EPS15L1: variants seen among roughly 807,000 people sequenced by gnomAD.
EPS15L1 encodes epidermal growth factor receptor pathway substrate 15 like 1.
EPS15L1 carries 43 observed loss-of-function variants against 117.1 expected under a neutral mutation model. That is an observed-to-expected ratio of 0.37 (90% CI 0.29 to 0.47). EPS15L1 has a LOEUF of 0.47. EPS15L1 is among the 20% of genes least tolerant of loss of function. The pLI, the probability that EPS15L1 is intolerant of heterozygous loss-of-function variation, is 0.99. For missense variants in EPS15L1, 981 were observed against 1,164.0 expected (o/e 0.84, Z 2.29); for synonymous variants, 459 against 470.5 (o/e 0.98, Z 0.32).
At position 16,439,074 on chromosome 19, in the gene EPS15L1, GT is replaced by G. The variant is rs755051356; in HGVS notation, c.214-1210del. On this transcript the variant is annotated intron_variant, in intron 4 of 23. Coordinates refer to ENST00000455140, the MANE Select transcript of EPS15L1 (RefSeq NM_001258374.3). ...GGATCACTTAGCTTGTTTTTTTTCT[GT>G]TTTTTTTTTTTTTTATTAACTGGCC... is the stretch of plus-strand genomic sequence containing the variant. 1.6e-3 allele frequency among the ~76,000 whole-genome samples: 186 copies of G among 115,248 alleles called. 1 individual carries two copies. Among genetic ancestry groups the G allele is most frequent in the Middle Eastern group, 0.014 (3 of 222 alleles). The allele number at this position is 115,248 out of a possible 152,430, so 75.6% of individuals were successfully genotyped here. A position where few individuals can be genotyped will look rare whatever the true frequency, so the allele number is the denominator to read the frequency against.
rs3786588 is a variant in EPS15L1 at position 16,405,932 on chromosome 19, C to T, written c.1267-1183G>A. On this transcript the variant is annotated intron_variant, in intron 13 of 23. Coordinates refer to ENST00000455140, the MANE Select transcript of EPS15L1 (RefSeq NM_001258374.3). This position sits in a 1 kb window ranked among gnomAD's most constrained non-coding sequence, Gnocchi z 4.0. The stretch of plus-strand genomic sequence containing the variant: ...TCCTCCCTCCAGCTGCCATGTGGAG[C>T]GTGGTGCAAGGGGCCATCAGGACGC... Among the ~76,000 whole-genome samples the T allele has an allele frequency of 0.13, 20,398 of 152,198 alleles. 1,436 individuals are homozygous for T. The highest frequency in any genetic ancestry group is 0.14 in the Non-Finnish European group (9,837 of 67,998).
At chr19:16,467,934 A>C (rs1387614364) in intron 1 of EPS15L1, among the ~76,000 whole-genome samples, 1 of 152,182 alleles carries the variant, frequency 6.6e-6, no homozygotes, top group East Asian at 1.9e-4. Flanking sequence ...GGGGAATAAA[A>C]GCCTCCTAGA....
At chr19:16,429,958 C>G (rs1447751665) in intron 7 of EPS15L1, among the ~76,000 whole-genome samples, 1 of 152,222 alleles carries the variant, frequency 6.6e-6, no homozygotes, top group Non-Finnish European at 1.5e-5. Flanking sequence ...CCTTGACCCA[C>G]CAGATGCCAG....
chr19:16,368,670 T>C (rs1487627020), intron 22 of EPS15L1, among the ~76,000 whole-genome samples: 3 of 151,066 alleles, frequency 2.0e-5, no homozygotes, highest in African/African-American at 7.3e-5. Context: ...CAACAGGCGA[T>C]CTCACAAAAC....
Position 16,404,486 on chromosome 19 carries a change from G to T in EPS15L1, c.1428+102C>A. On this transcript the variant is annotated intron_variant, in intron 14 of 23. Coordinates refer to ENST00000455140, the MANE Select transcript of EPS15L1 (RefSeq NM_001258374.3). This position sits in a 1 kb window ranked among gnomAD's most constrained non-coding sequence, Gnocchi z 4.2. Reference sequence around the variant, plus strand: ...TGGAGGAACTCTATTGACCCAGTAGGATGTCTAAGTGTTGTGTTCCCAGGT... The same window carrying T: ...TGGAGGAACTCTATTGACCCAGTAGTATGTCTAAGTGTTGTGTTCCCAGGT... 2.3e-6 allele frequency: 3 copies of T among 1,314,956 alleles called. No individual in the cohort carries two copies. Among genetic ancestry groups the T allele is most frequent in the Admixed American group, 4.0e-5 (2 of 50,388 alleles). 81.5% of individuals were successfully genotyped at this position (1,314,956 alleles called of 1,614,324 possible). A position where few individuals can be genotyped will look rare whatever the true frequency, so the allele number is the denominator to read the frequency against.
At chr19:16,401,962 TG>T in intron 16 of EPS15L1, 1 of 1,043,564 alleles carries the variant, frequency 9.6e-7, no homozygotes, top group Non-Finnish European at 1.2e-6. Context: ...TAGTAGAATG[TG>T]GGGTTTCCAC....
chr19:16,355,735 C>G lies in EPS15L1; in HGVS notation c.2703G>C (p.Ala901=), dbSNP rs1257121389. The change falls in exon 24 of 24, where the codon GCG becomes GCC. Residue 901 remains alanine (A), a synonymous_variant. Coordinates refer to ENST00000455140, the MANE Select transcript of EPS15L1 (RefSeq NM_001258374.3). ...QEQEDLELAI[A]LSKADMPAA The stretch of plus-strand genomic sequence containing the variant: ...CGGCAGGCATGTCAGCCTTGCTGAG[C>G]GCGATGGCCAGTTCCAGGTCCTCCT... 1 of 1,535,840 alleles carries G rather than the reference C, an allele frequency of 6.5e-7. No individual in the cohort carries two copies. The highest frequency in any genetic ancestry group is 8.7e-7 in the Non-Finnish European group (1 of 1,146,780).
In EPS15L1 at chr19:16,444,873, C is replaced by T. The variant is rs555269289; in HGVS notation, c.34-2654G>A. 9.2e-5 allele frequency among the ~76,000 whole-genome samples: 14 copies of T among 152,156 alleles called. No homozygotes were observed. In the East Asian group the frequency reaches 9.7e-4, roughly 11 times the overall value. The stretch of plus-strand genomic sequence containing the variant: ...TCCCGAGTAGCTGGGACTACAGGTG[C>T]GTGCCACCATGCCCACTTAATTTCT... On this transcript the variant is annotated intron_variant, in intron 1 of 23. Transcript: ENST00000455140.
chr19:16,385,158 C>T lies in EPS15L1; in HGVS notation c.2218G>A (p.Gly740Ser). Residue 740 changes from glycine to serine, a missense_variant, in exon 21 of 24, where the codon GGC becomes AGC. By Grantham distance (56) the Gly-to-Ser change is moderately conservative (BLOSUM62 0). Coordinates refer to ENST00000455140, the MANE Select transcript of EPS15L1 (RefSeq NM_001258374.3). ...GACATCTGGCTGAAGTCGGCAAAGC[C>T]TTCAGCACTATTGAAGGACCCACTT... Reference protein sequence around the residue: ...FGSGSFNSAEGFADFSQMSKP... With the variant: ...FGSGSFNSAESFADFSQMSKP... 1 of 1,614,182 alleles carries T rather than the reference C, an allele frequency of 6.2e-7. No individual in the cohort carries two copies. The highest frequency in any genetic ancestry group is 1.1e-5 in the South Asian group (1 of 91,088).
chr19:16,417,474 C>G, intron 12 of EPS15L1, 78 bp downstream of exon 12: 1 of 1,242,218 alleles, frequency 8.1e-7, no homozygotes, highest in Non-Finnish European at 1.2e-6. Flanking sequence ...TCCAGGTGAG[C>G]CTCTGATATT....
chr19:16,429,296 C>A (rs1421307921), intron 7 of EPS15L1, among the ~76,000 whole-genome samples: 2 of 152,146 alleles, frequency 1.3e-5, no homozygotes. Context: ...GGTTCTGGAG[C>A]GTGCCTAAGA....
chr19:16,402,407 C>T lies in EPS15L1; in HGVS notation c.1705G>A (p.Asp569Asn), dbSNP rs557402959. The T allele has an allele frequency of 3.7e-6, 6 of 1,614,072 alleles. No homozygotes were observed. Among genetic ancestry groups the T allele is most frequent in the Admixed American group, 3.3e-5 (2 of 60,016 alleles). Residue 569 changes from aspartate (D) to asparagine (N), a missense_variant, in exon 16 of 24, where the codon GAT becomes AAT. By Grantham distance (23) the Asp-to-Asn change is conservative (BLOSUM62 1). Around this residue, in one of 5 missense-constraint regions of EPS15L1, gnomAD observed 819 missense variants for 949.0 expected, o/e 0.86. Coordinates refer to ENST00000455140, the MANE Select transcript of EPS15L1 (RefSeq NM_001258374.3). ...RSLEQYDQVL[D>N]GAHGASLTDL... ...GTCAGGCTGGCACCATGGGCTCCAT[C>T]GAGCACCTGGTCATACTGCTCCAGG... is the stretch of plus-strand genomic sequence containing the variant.
Position 16,377,161 on chromosome 19 carries a change from G to C in EPS15L1, c.2341C>G (p.Pro781Ala), listed in dbSNP as rs1317215800. ...KSKQDTPALP[P>A]KKPAPPRPKP... ...GGCCGTGGAGGAGCAGGTTTCTTCGGAGGCAGAGCAGGAGTGTCCTGTTTA... is the reference window on the plus strand; with the variant it reads ...GGCCGTGGAGGAGCAGGTTTCTTCGCAGGCAGAGCAGGAGTGTCCTGTTTA... Residue 781 changes from proline (P) to alanine (A), a missense_variant, in exon 22 of 24, where the codon CCG becomes GCG. Pro to Ala is a conservative substitution (Grantham distance 27). Around this residue, in one of 5 missense-constraint regions of EPS15L1, gnomAD observed 819 missense variants for 949.0 expected, o/e 0.86. Coordinates refer to ENST00000455140, the MANE Select transcript of EPS15L1 (RefSeq NM_001258374.3). 2 of 1,609,918 alleles carry C rather than the reference G, an allele frequency of 1.2e-6. No homozygotes were observed. The highest frequency in any genetic ancestry group is 2.7e-5 in the African/African-American group (2 of 74,630).
In EPS15L1 at chr19:16,408,833, G is replaced by A. The variant is rs540040580; in HGVS notation, c.1267-4084C>T. ...GAGAGGCAGATAGGTCAATGGGATAGAGCTGAGGGTCCAAAAATAAATGCA... is the reference window on the plus strand; with the variant it reads ...GAGAGGCAGATAGGTCAATGGGATAAAGCTGAGGGTCCAAAAATAAATGCA... On this transcript the variant is annotated intron_variant, in intron 13 of 23. Coordinates refer to ENST00000455140, the MANE Select transcript of EPS15L1 (RefSeq NM_001258374.3). Among the ~76,000 whole-genome samples the A allele has an allele frequency of 3.3e-5, 5 of 152,264 alleles. No individual in the cohort carries two copies. In the South Asian group the frequency reaches 1.0e-3, roughly 32 times the overall value.
At chr19:16,437,387 C>A (rs556662552) in intron 5 of EPS15L1, among the ~76,000 whole-genome samples, 1 of 152,184 alleles carries the variant, frequency 6.6e-6, no homozygotes, top group African/African-American at 2.4e-5. Flanking sequence ...AGGCCAGACA[C>A]AAAAGACCAT....
chr19:16,434,016 C>T (rs146919353), intron 7 of EPS15L1, among the ~76,000 whole-genome samples: 68 of 151,922 alleles, frequency 4.5e-4, no homozygotes, highest in African/African-American at 1.6e-3. Flanking sequence ...CACACATTCC[C>T]ACATTCAGCA....
At chr19:16,368,695 C>T (rs2092174926) in intron 22 of EPS15L1, among the ~76,000 whole-genome samples, 1 of 152,072 alleles carries the variant, frequency 6.6e-6, no homozygotes, top group Non-Finnish European at 1.5e-5. Flanking sequence ...ATTCACCCTA[C>T]ATAACACAGA....
chr19:16,461,665 G>A (rs1341874288), intron 1 of EPS15L1, among the ~76,000 whole-genome samples: 1 of 152,128 alleles, frequency 6.6e-6, no homozygotes, highest in Non-Finnish European at 1.5e-5. Context: ...GTTTTCTACA[G>A]ATTGGCGTAA....
intron 1 of EPS15L1, among the ~76,000 whole-genome samples, chr19:16,458,820 C>T (rs1160677200): frequency 2.6e-5 from 4 of 152,334 alleles, no homozygotes; most frequent in Admixed American, 1.3e-4. Flanking sequence ...CTCTACTGAA[C>T]ATATCGGGCA....
Sources: gnomAD v4.1 joint callset for allele counts (sites outside exome capture counted in the v4.1 genomes callset) on GRCh38, gnomAD v4.1.1 for gene constraint, gnomAD v4.1.1 regional missense constraint, Gnocchi (gnomAD v3.1) non-coding constraint, MANE v1.5 for transcripts, NCBI Gene and HGNC (gene_info 2026-07-23, HGNC 2026-07-21) for gene names.